EIPR1: variants seen among roughly 807,000 people sequenced by gnomAD.
EIPR1 encodes EARP complex and GARP complex interacting protein 1, also known as EARP and GARP complex-interacting protein 1.
In EIPR1, 25 loss-of-function variants were observed where a neutral mutation model predicts 48.1. The observed-to-expected ratio is 0.52, with a 90% CI of 0.38 to 0.73. The LOEUF is 0.73. Among genes scored for constraint, EIPR1 ranks in the 30% least tolerant of loss-of-function variants. The pLI, the probability that EIPR1 is intolerant of heterozygous loss-of-function variation, is 0.00. For missense variants in EIPR1, 415 were observed against 506.2 expected, an observed-to-expected ratio of 0.82 and a Z score of 1.73; for synonymous variants, 204 against 201.9, an observed-to-expected ratio of 1.01 and a Z score of -0.09.
chr2:3,276,309 T>C (rs556144175), intron 3 of EIPR1, among the ~76,000 whole-genome samples: 37 of 152,366 alleles, frequency 2.4e-4, no homozygotes, highest in Admixed American at 1.2e-3. Flanking sequence ...TAAATATTCA[T>C]CTCCAGACAG....
At chr2:3,374,424 C>T in intron 1 of EIPR1, among the ~76,000 whole-genome samples, 1 of 151,686 alleles carries the variant, frequency 6.6e-6, no homozygotes, top group Non-Finnish European at 1.5e-5. Context: ...AAAGAAACTA[C>T]CAACAGAGTG....
At chr2:3,234,221 T>TA (rs1305598252) in intron 4 of EIPR1, among the ~76,000 whole-genome samples, 2 of 152,384 alleles carry the variant, frequency 1.3e-5, no homozygotes, top group African/African-American at 2.4e-5. Context: ...CTGTTTTTTT[T>TA]ACCAATAAAT....
intron 4 of EIPR1, among the ~76,000 whole-genome samples, chr2:3,218,384 C>T (rs1389905167): frequency 2.0e-5 from 3 of 147,164 alleles, no homozygotes; most frequent in Admixed American, 2.0e-4. Context: ...AGGTGCACAC[C>T]CAACATGGCC....
Position 3,214,093 on chromosome 2 carries a change from T to G in EIPR1, c.516+56A>C, listed in dbSNP as rs3762597. The G allele has an allele frequency of 6.8e-5, 101 of 1,486,626 alleles. No homozygotes were observed. The East Asian group carries it at 2.4e-3, about 35-fold the overall frequency. 92.1% of individuals were successfully genotyped at this position (1,486,626 alleles called of 1,614,324 possible). On this transcript the variant is annotated intron_variant, in intron 5 of 8. Transcript: ENST00000382125. ...CAATTCCCACCTATGAGTGAGAACA[T>G]GCGGGGTTTGGTTTAAAAATACAGA...
chr2:3,197,100 T>C, intron 5 of EIPR1, 83 bp from the exon 6 acceptor site: 1 of 1,450,074 alleles, frequency 6.9e-7, no homozygotes, highest in Non-Finnish European at 9.5e-7. Context: ...GAGGATATCG[T>C]ATACTCAAGG....
intron 3 of EIPR1, among the ~76,000 whole-genome samples, chr2:3,277,775 G>GGCC (rs1239295519): frequency 3.3e-5 from 5 of 152,206 alleles, no homozygotes; most frequent in African/African-American, 9.6e-5. Flanking sequence ...CTCGGCTAGG[G>GGCC]GCCCTGACTG....
chr2:3,253,395 G>A (rs769368910), intron 4 of EIPR1, among the ~76,000 whole-genome samples: 9 of 152,198 alleles, frequency 5.9e-5, no homozygotes, highest in South Asian at 2.1e-4. Context: ...CCTGAGGGCC[G>A]TGGTCACTCA....
At chr2:3,268,277 T>C (rs1273221895) in intron 3 of EIPR1, among the ~76,000 whole-genome samples, 1 of 152,200 alleles carries the variant, frequency 6.6e-6, no homozygotes, top group African/African-American at 2.4e-5. Context: ...ATCTGCACCC[T>C]GTCTATAGCC....
chr2:3,199,896 G>A (rs1012134496), intron 5 of EIPR1, among the ~76,000 whole-genome samples: 3 of 61,312 alleles, frequency 4.9e-5, no homozygotes, highest in Admixed American at 3.6e-4. Flanking sequence ...GCAGGCATGG[G>A]GGGTGTGTCT....
chr2:3,298,130 A>AT (rs1378401576), intron 3 of EIPR1, among the ~76,000 whole-genome samples: 1 of 152,084 alleles, frequency 6.6e-6, no homozygotes. Context: ...TATTTATTGT[A>AT]TTTTCCCTTC....
At chr2:3,191,428 A>T (rs1301216038) in intron 8 of EIPR1, among the ~76,000 whole-genome samples, 1 of 152,194 alleles carries the variant, frequency 6.6e-6, no homozygotes, top group African/African-American at 2.4e-5. Context: ...AGACAATCAG[A>T]TGGTCCCATC....
chr2:3,296,654 C>T (rs1443826291), intron 3 of EIPR1, among the ~76,000 whole-genome samples: 1 of 147,946 alleles, frequency 6.8e-6, no homozygotes, highest in African/African-American at 2.5e-5. Context: ...TCCAGCCCAT[C>T]CCGTCTACAC....
intron 3 of EIPR1, among the ~76,000 whole-genome samples, chr2:3,326,648 C>T (rs1223571170): frequency 1.3e-5 from 2 of 152,152 alleles, no homozygotes; most frequent in Non-Finnish European, 1.5e-5. Context: ...GGGGGAAGAA[C>T]CCATTCCGCG....
In EIPR1 at chr2:3,189,390, C is replaced by T. The variant is rs1664521329; in HGVS notation, c.1108G>A (p.Gly370Arg). The T allele has an allele frequency of 6.2e-7, 1 of 1,603,354 alleles. No homozygotes were observed. The highest frequency in any genetic ancestry group is 1.1e-5 in the South Asian group (1 of 89,686). Residue 370 changes from glycine (G) to arginine (R), a missense_variant, in exon 9 of 9, where the codon GGG (glycine) becomes AGG (arginine). Gly to Arg is a moderately radical substitution (Grantham distance 125, BLOSUM62 -2). Coordinates refer to ENST00000382125, the MANE Select transcript of EIPR1 (RefSeq NM_003310.5). The surrounding 1 kb of genome is among the most constrained non-coding windows in gnomAD (Gnocchi z 4.6). Reference sequence around the variant, plus strand: ...GGCACCCTGTTGATCACGAGCCTCCCGTCATAGCTCAGGGAGGCAAACAGC... The same window carrying T: ...GGCACCCTGTTGATCACGAGCCTCCTGTCATAGCTCAGGGAGGCAAACAGC... The part of the protein sequence containing the change: ...PWLFASLSYD[G>R]RLVINRVPRA...
chr2:3,192,893 C>T (rs1383592917), intron 7 of EIPR1, among the ~76,000 whole-genome samples: 1 of 152,108 alleles, frequency 6.6e-6, no homozygotes, highest in Admixed American at 6.5e-5. Flanking sequence ...AAATACTGTC[C>T]CAGAAGCAAC....
chr2:3,285,412 T>C (rs1266725727), intron 3 of EIPR1, among the ~76,000 whole-genome samples: 1 of 149,462 alleles, frequency 6.7e-6, no homozygotes, highest in Non-Finnish European at 1.5e-5. Flanking sequence ...GAGCGAGCAC[T>C]GGCCACGGCC....
rs56963007 is a variant in EIPR1, at chr2:3,210,627, C to CTTTTTTTTT, written c.516+3513_516+3521dup. 1.7e-5 allele frequency among the ~76,000 whole-genome samples: 2 copies of CTTTTTTTTT among 118,418 alleles called. 1 individual carries two copies. Among genetic ancestry groups the CTTTTTTTTT allele is most frequent in the Non-Finnish European group, 3.5e-5 (2 of 57,636 alleles). 77.7% of individuals were successfully genotyped at this position (118,418 alleles called of 152,430 possible). A position where few individuals can be genotyped will look rare whatever the true frequency, so the allele number is the denominator to read the frequency against. ...TCTTCTCACTGTTTACCTCCCAATTCTTTTTTTTTTTTTTTTTTTTTGAGA... is the reference window on the plus strand; with the variant it reads ...TCTTCTCACTGTTTACCTCCCAATTCTTTTTTTTTTTTTTTTTTTTTTTTTTTTTTGAGA... On this transcript the variant is annotated intron_variant, in intron 5 of 8. Coordinates refer to ENST00000382125, the MANE Select transcript of EIPR1 (RefSeq NM_003310.5).
intron 3 of EIPR1, among the ~76,000 whole-genome samples, chr2:3,299,446 C>T (rs1028360635): frequency 3.3e-5 from 5 of 152,080 alleles, no homozygotes; most frequent in South Asian, 2.1e-4. Context: ...TCTGACTGGG[C>T]GCGGCCTTGT....
At chr2:3,361,334 G>C (rs4511754) in intron 1 of EIPR1, among the ~76,000 whole-genome samples, 151,096 of 152,230 alleles carry the variant, frequency 0.99, 74,989 homozygotes, top group East Asian at 1. Flanking sequence ...TAAGCTGCAA[G>C]GAAAGAACTC....
Sources: gnomAD v4.1 joint callset for allele counts (sites outside exome capture counted in the v4.1 genomes callset) on GRCh38, gnomAD v4.1.1 for gene constraint, Gnocchi (gnomAD v3.1) non-coding constraint, MANE v1.5 for transcripts, NCBI Gene and HGNC (gene_info 2026-07-23, HGNC 2026-07-21) for gene names.